The following SYN3 variants were observed in gnomAD, a reference collection of about 807,000 sequenced individuals.
SYN3 encodes the protein synapsin-3.
In SYN3, 35 loss-of-function variants were observed where a neutral mutation model predicts 65.8. The ratio of observed to expected loss-of-function variants is 0.53; its 90% CI spans 0.41 to 0.70. The LOEUF (loss-of-function observed/expected upper bound fraction) is 0.70, where lower values mean the gene tolerates loss of function less well. Among genes scored for constraint, SYN3 ranks in the 30% least tolerant of loss-of-function variants. The pLI is 0.00. For missense variants in SYN3, 680 were observed against 749.0 expected (o/e 0.91, Z 1.08); for synonymous variants, 270 against 292.9 (o/e 0.92, Z 0.80).
At chr22:33,005,582 G>A (rs937913129) in intron 2 of SYN3, among the ~76,000 whole-genome samples, 2 of 152,204 alleles carry the variant, frequency 1.3e-5, no homozygotes, top group Admixed American at 1.3e-4. Flanking sequence ...CTTGACACAG[G>A]TATCAGGTCT....
intron 7 of SYN3, among the ~76,000 whole-genome samples, chr22:32,552,646 A>C (rs1004691364): frequency 6.6e-6 from 1 of 152,166 alleles, no homozygotes; most frequent in Admixed American, 6.5e-5. Flanking sequence ...TGTTGAAGAA[A>C]AGAAACTTTG....
chr22:32,620,993 C>T lies in SYN3; in HGVS notation c.712-24257G>A, dbSNP rs139632553. 2.0e-3 allele frequency among the ~76,000 whole-genome samples: 311 copies of T among 152,312 alleles called. 2 individuals carry two copies. The highest frequency in any genetic ancestry group is 7.2e-3 in the African/African-American group (299 of 41,556). On this transcript the variant is annotated intron_variant, in intron 6 of 13. Coordinates refer to ENST00000358763, the MANE Select transcript of SYN3 (RefSeq NM_003490.4). ...TCGGTCTCCCAAAGTGTTGGGATTA[C>T]AGGTGTGAGCCACCGCACCTGACCA... is the stretch of plus-strand genomic sequence containing the variant.
intron 6 of SYN3, among the ~76,000 whole-genome samples, chr22:32,696,120 A>G (rs910513930): frequency 6.6e-6 from 1 of 152,386 alleles, no homozygotes; most frequent in South Asian, 2.1e-4. Flanking sequence ...GTCAGCAGGT[A>G]GATGCCATAT....
intron 6 of SYN3, among the ~76,000 whole-genome samples, chr22:32,667,821 G>C (rs9621526): frequency 0.22 from 32,680 of 145,814 alleles, 5,781 homozygotes; most frequent in East Asian, 0.66. Context: ...TTTTTGAGAC[G>C]GAGTGTCGCT....
At chr22:33,026,169 T>C (rs1376750505) in intron 1 of SYN3, among the ~76,000 whole-genome samples, 1 of 151,988 alleles carries the variant, frequency 6.6e-6, no homozygotes, top group Non-Finnish European at 1.5e-5. Flanking sequence ...CCATTGGGGG[T>C]CTGTGTTGTT....
chr22:32,856,934 T>A (rs547937182), intron 6 of SYN3, among the ~76,000 whole-genome samples: 42 of 152,336 alleles, frequency 2.8e-4, no homozygotes, highest in Admixed American at 1.3e-3. Context: ...GCCTGGCTTA[T>A]TCCGCTTAGC....
intron 6 of SYN3, among the ~76,000 whole-genome samples, chr22:32,766,426 G>A (rs1371499534): frequency 2.0e-5 from 3 of 152,216 alleles, no homozygotes; most frequent in Non-Finnish European, 4.4e-5. Context: ...TGATACAGCA[G>A]TTCTGCAAGG....
intron 4 of SYN3, among the ~76,000 whole-genome samples, chr22:32,872,319 T>A (rs1163535286): frequency 2.0e-5 from 3 of 152,126 alleles, no homozygotes; most frequent in Admixed American, 2.0e-4. Context: ...GAACATGATG[T>A]GAAATGGCCA....
intron 2 of SYN3, among the ~76,000 whole-genome samples, chr22:32,993,590 C>A (rs553522102): frequency 9.0e-4 from 137 of 152,334 alleles, no homozygotes; most frequent in Non-Finnish European, 1.7e-3. Context: ...GTGATTCACC[C>A]GCCTTGGCCT....
At chr22:32,588,569 C>T (rs531699178) in intron 7 of SYN3, among the ~76,000 whole-genome samples, 3 of 152,294 alleles carry the variant, frequency 2.0e-5, no homozygotes, top group South Asian at 4.1e-4. Context: ...AACCAACCAC[C>T]TTCCTAAGCC....
At chr22:32,766,160 G>A (rs2045620428) in intron 6 of SYN3, among the ~76,000 whole-genome samples, 1 of 152,184 alleles carries the variant, frequency 6.6e-6, no homozygotes, top group African/African-American at 2.4e-5. Context: ...CTGGGGCGTG[G>A]GTGAGATATA....
chr22:32,823,815 C>G (rs769948676), intron 6 of SYN3, among the ~76,000 whole-genome samples: 22 of 152,148 alleles, frequency 1.4e-4, no homozygotes, highest in Non-Finnish European at 2.2e-4. Context: ...AGGCAAGTCA[C>G]TCTGCCTCCA....
At chr22:33,049,285 A>G (rs985512615) in intron 1 of SYN3, among the ~76,000 whole-genome samples, 22 of 152,180 alleles carry the variant, frequency 1.4e-4, no homozygotes, top group Admixed American at 5.9e-4. Flanking sequence ...CAGGGCTTCA[A>G]TGATGACAGG....
At chr22:33,038,969 C>T (rs532365412) in intron 1 of SYN3, among the ~76,000 whole-genome samples, 7 of 152,178 alleles carry the variant, frequency 4.6e-5, no homozygotes, top group African/African-American at 7.2e-5. Context: ...AACAGCAGAG[C>T]GGAGAGTTCT....
chr22:32,586,016 A>ATG (rs1490724185), intron 7 of SYN3, among the ~76,000 whole-genome samples: 6 of 131,480 alleles, frequency 4.6e-5, no homozygotes, highest in African/African-American at 1.3e-4. Context: ...ATGTATACGT[A>ATG]TATATGTATG....
chr22:32,668,344 C>T (rs1319435633), intron 6 of SYN3, among the ~76,000 whole-genome samples: 1 of 151,914 alleles, frequency 6.6e-6, no homozygotes, highest in Non-Finnish European at 1.5e-5. Flanking sequence ...TTTCTCCTCA[C>T]TTCCCTCATT....
At chr22:32,783,110 A>T (rs1225855657) in intron 6 of SYN3, 13 of 152,180 alleles carry the variant, frequency 8.5e-5, no homozygotes, top group Admixed American at 8.5e-4. Context: ...CCCCCTTCTT[A>T]TCTTTACTTA....
chr22:32,879,133 C>T (rs535183369), intron 4 of SYN3, among the ~76,000 whole-genome samples: 6 of 152,270 alleles, frequency 3.9e-5, no homozygotes, highest in South Asian at 2.1e-4. Flanking sequence ...TCTGCAATCT[C>T]TAAGTGTCTA....
Position 32,508,693 on chromosome 22 carries a change from T to A in SYN3, c.*4999A>T, listed in dbSNP as rs1012736107. Among the ~76,000 whole-genome samples the A allele has an allele frequency of 2.6e-5, 4 of 152,228 alleles. No individual in the cohort carries two copies. Among genetic ancestry groups the A allele is most frequent in the African/African-American group, 4.8e-5 (2 of 41,454 alleles). ...TGGGCAAGTGACTTCCATATATTGATACTCTTAGAAAAACATCTTTTTACT... is the reference window on the plus strand; with the variant it reads ...TGGGCAAGTGACTTCCATATATTGAAACTCTTAGAAAAACATCTTTTTACT... On this transcript the variant is annotated 3_prime_UTR_variant, in exon 14 of 14. Coordinates refer to ENST00000358763, the MANE Select transcript of SYN3 (RefSeq NM_003490.4).
Sources: allele counts gnomAD v4.1 joint callset (sites outside exome capture counted in the v4.1 genomes callset), GRCh38; gene constraint gnomAD v4.1.1; transcripts MANE v1.5; gene names NCBI Gene and HGNC (gene_info 2026-07-23, HGNC 2026-07-21).